Variants in VPS37C observed in about 807,000 individuals in gnomAD.
VPS37C encodes the protein VPS37C subunit of ESCRT-I, also known as vacuolar protein sorting-associated protein 37C.
A neutral mutation model predicts 16.1 loss-of-function variants in VPS37C; 9 were observed. The observed-to-expected ratio is 0.56, with a 90% CI of 0.34 to 0.97. VPS37C has a LOEUF of 0.97. Ranked by LOEUF, VPS37C falls within the 50% of genes least tolerant of loss-of-function variation. The pLI is 0.02. For missense variants in VPS37C, 479 were observed against 472.7 expected, an observed-to-expected ratio of 1.01 and a Z score of -0.12; for synonymous variants, 207 against 206.4, an observed-to-expected ratio of 1.00 and a Z score of -0.02.
intron 3 of VPS37C, 142 bp from the exon 4 acceptor site, chr11:61,133,479 G>A: frequency 1.3e-6 from 1 of 790,990 alleles, no homozygotes; most frequent in South Asian, 1.7e-5. Context: ...TGGGCTTGAT[G>A]AGCACTTTTG....
chr11:61,138,804 A>G lies in VPS37C; in HGVS notation c.26T>C (p.Leu9Pro), dbSNP rs1425889904. 1 of 1,614,008 alleles carries G rather than the reference A, an allele frequency of 6.2e-7. No individual in the cohort carries two copies. Among genetic ancestry groups the G allele is most frequent in the African/African-American group, 1.3e-5 (1 of 74,914 alleles). The change falls in exon 2 of 5, where the codon CTG becomes CCG. Residue 9 changes from leucine to proline, a missense_variant. Coordinates refer to ENST00000301765, the MANE Select transcript of VPS37C (RefSeq NM_017966.5). METLKDKT[L>P]QELEELQNDS... The stretch of plus-strand genomic sequence containing the variant: ...ATTCTGCAACTCCTCCAGCTCCTGC[A>G]GGGTCTTATCCTTCAGCGTCTCCAT...
intron 4 of VPS37C, 124 bp downstream of exon 4, chr11:61,133,131 C>G: frequency 9.4e-7 from 1 of 1,059,648 alleles, no homozygotes; most frequent in Non-Finnish European, 1.4e-6. Context: ...TGTCCTTCAC[C>G]TCTGCCATCT....
Position 61,132,496 on chromosome 11 carries a change from G to A in VPS37C, c.392C>T (p.Thr131Met), listed in dbSNP as rs369758363. 2.2e-5 allele frequency: 35 copies of A among 1,610,792 alleles called. No individual in the cohort carries two copies. The highest frequency in any genetic ancestry group is 2.8e-5 in the Non-Finnish European group (33 of 1,178,566). The change falls in exon 5 of 5, where the codon ACG (threonine) becomes ATG (methionine). Residue 131 changes from threonine to methionine, a missense_variant. Transcript: ENST00000301765. ...KFLEGEVPLE[T>M]FLENFSSMRM... is the part of the protein sequence containing the mutation. ...CATGGAGGAAAAATTCTCCAGGAAC[G>A]TTTCCAGGGGCACCTCGCCCTCCAG...
chr11:61,155,608 A>C (rs1853365599), intron 1 of VPS37C, among the ~76,000 whole-genome samples: 1 of 152,186 alleles, frequency 6.6e-6, no homozygotes, highest in African/African-American at 2.4e-5. Context: ...AAAATAGTTA[A>C]TCCAGAATTC....
intron 4 of VPS37C, 86 bp downstream of exon 4, chr11:61,133,169 C>A: frequency 7.0e-7 from 1 of 1,424,520 alleles, no homozygotes. Flanking sequence ...CCATGCTTTG[C>A]AGACATCTGC....
At chr11:61,144,792 G>A (rs1031622161) in intron 1 of VPS37C, 3 of 152,236 alleles carry the variant, frequency 2.0e-5, no homozygotes, top group Non-Finnish European at 2.9e-5. Flanking sequence ...AACGGGCCAG[G>A]AGTCCCCCCT....
chr11:61,148,289 G>C (rs1853246983), intron 1 of VPS37C, among the ~76,000 whole-genome samples: 1 of 152,168 alleles, frequency 6.6e-6, no homozygotes, highest in South Asian at 2.1e-4. Context: ...ACTGCAAGAA[G>C]AGCTGTGACG....
chr11:61,145,530 C>G (rs1250223612), intron 1 of VPS37C: 2 of 152,566 alleles, frequency 1.3e-5, no homozygotes, highest in Non-Finnish European at 2.9e-5. Flanking sequence ...CTCACCAATG[C>G]CACAGCCATC....
At position 61,134,105 on chromosome 11, in the gene VPS37C, T is replaced by C. The variant is rs778547568; in HGVS notation, c.196A>G (p.Asn66Asp). The C allele has an allele frequency of 2.5e-6, 4 of 1,613,870 alleles. No individual in the cohort carries two copies. The highest frequency in any genetic ancestry group is 1.1e-5 in the South Asian group (1 of 91,080). ...AGCTCCTGGTATCTATCCGAGAGGT[T>C]TGAGCGGCTGATCTCCAGGGGACCC... is the stretch of plus-strand genomic sequence containing the variant. Reference protein sequence around the residue: ...FQGPLEISRSNLSDRYQELRK... With the variant: ...FQGPLEISRSDLSDRYQELRK... The change falls in exon 3 of 5, where the codon AAC becomes GAC. Residue 66 changes from asparagine to aspartate, a missense_variant. Transcript: ENST00000301765.
intron 1 of VPS37C, among the ~76,000 whole-genome samples, chr11:61,148,304 T>C (rs771130436): frequency 6.6e-5 from 10 of 152,274 alleles, no homozygotes; most frequent in Non-Finnish European, 1.2e-4. Context: ...GTGACGTCCC[T>C]TGGTTTCTTA....
rs201071170 is a variant in VPS37C at position 61,132,045 on chromosome 11, C to G, written c.843G>C (p.Gly281=). Residue 281 remains glycine, a synonymous_variant, in exon 5 of 5, where the codon GGG becomes GGC. Coordinates refer to ENST00000301765, the MANE Select transcript of VPS37C (RefSeq NM_017966.5). ...TGCCTCCCCGCAAGGGGTACCCAGG[C>G]CCAGAGGCACCCATTGGGGTCCCAG... ...GYPGTPMGAS[G]PGYPLRGGRA... 16 of 1,388,924 alleles carry G rather than the reference C, an allele frequency of 1.2e-5. No individual in the cohort carries two copies. The East Asian group carries it at 4.1e-4, about 35-fold the overall frequency. 86.0% of individuals were successfully genotyped at this position (1,388,924 alleles called of 1,614,324 possible).
rs574925748 is a variant in VPS37C, at chr11:61,138,678, G to A, written c.93+59C>T. On this transcript the variant is annotated intron_variant, in intron 2 of 4. Coordinates refer to ENST00000301765, the MANE Select transcript of VPS37C (RefSeq NM_017966.5). ...CAATAAGCCAGCATCCTTAAAAAGC[G>A]CCTCTTAACAAGCCTCATCTGCTGG... The A allele has an allele frequency of 2.2e-4, 325 of 1,501,986 alleles. 1 individual carries two copies. In the African/African-American group the frequency reaches 2.9e-3, roughly 13 times the overall value. 93.0% of individuals were successfully genotyped at this position (1,501,986 alleles called of 1,614,324 possible).
At position 61,131,727 on chromosome 11, in the gene VPS37C, G is replaced by T. The variant is rs192444854; in HGVS notation, c.*93C>A. ...ACGCAAGTCCACAGGGAGCACCAAC[G>T]CCACTTCCAGTTGACCCTCGAATCT... On this transcript the variant is annotated 3_prime_UTR_variant, in exon 5 of 5. Coordinates refer to ENST00000301765, the MANE Select transcript of VPS37C (RefSeq NM_017966.5). 60 of 1,231,598 alleles carry T rather than the reference G, an allele frequency of 4.9e-5. No individual in the cohort carries two copies. The African/African-American group carries it at 8.4e-4, about 17-fold the overall frequency. The allele number at this position is 1,231,598 out of a possible 1,614,324, so 76.3% of individuals were successfully genotyped here.
At chr11:61,133,135 G>T in intron 4 of VPS37C, 120 bp downstream of exon 4, 1 of 1,095,590 alleles carries the variant, frequency 9.1e-7, no homozygotes, top group Non-Finnish European at 1.4e-6. Context: ...CTTCACCTCT[G>T]CCATCTACGA....
Position 61,143,148 on chromosome 11 carries a change from T to C in VPS37C, c.-6-4313A>G, listed in dbSNP as rs188562550. Among the ~76,000 whole-genome samples, 11 of 151,810 alleles carry C rather than the reference T, an allele frequency of 7.2e-5. No individual in the cohort carries two copies. In the East Asian group the frequency reaches 2.1e-3, roughly 29 times the overall value. ...AAGTACCACTAAGCATTTGCTGCTA[T>C]GAGGACCCTGGCAACCATCTTAGAC... is the stretch of plus-strand genomic sequence containing the variant. On this transcript the variant is annotated intron_variant, in intron 1 of 4. Transcript: ENST00000301765.
intron 1 of VPS37C, among the ~76,000 whole-genome samples, chr11:61,155,167 A>C (rs1342241488): frequency 1.3e-5 from 2 of 151,236 alleles, no homozygotes; most frequent in Non-Finnish European, 2.9e-5. Context: ...GAAAAGATAC[A>C]TTACAAACAG....
In VPS37C at chr11:61,130,818, G is replaced by C; in HGVS notation, c.*1002C>G. The C allele has an allele frequency of 4.5e-6, 2 of 441,840 alleles. No homozygotes were observed. The highest frequency in any genetic ancestry group is 5.1e-5 in the Admixed American group (2 of 39,430). The allele number at this position is 441,840 out of a possible 1,614,324, so 27.4% of individuals were successfully genotyped here. A position where few individuals can be genotyped will look rare whatever the true frequency, so the allele number is the denominator to read the frequency against. ...AAGCACCATTTGGGAAGTAAAGTTA[G>C]GGCCTCTTTTGATGCCTGTCTTAGG... On this transcript the variant is annotated 3_prime_UTR_variant, in exon 5 of 5. Coordinates refer to ENST00000301765, the MANE Select transcript of VPS37C (RefSeq NM_017966.5).
chr11:61,148,708 ATTTTTTTGCGTTTTTAGTTTTCT>A (rs1379390171), intron 1 of VPS37C, among the ~76,000 whole-genome samples: 1 of 151,828 alleles, frequency 6.6e-6, no homozygotes, highest in Non-Finnish European at 1.5e-5. Flanking sequence ...TTTAGTTTTC[ATTTTTTTGCGTTTTTAGTTTTCT>A]TTTTTTTCTT....
At chr11:61,148,959 C>T (rs1456259129) in intron 1 of VPS37C, among the ~76,000 whole-genome samples, 1 of 152,186 alleles carries the variant, frequency 6.6e-6, no homozygotes, top group African/African-American at 2.4e-5. Flanking sequence ...GGAGATTCCT[C>T]CCACCCACCA....
Sources: allele counts gnomAD v4.1 joint callset (sites outside exome capture counted in the v4.1 genomes callset), GRCh38; gene constraint gnomAD v4.1.1; transcripts MANE v1.5; gene names NCBI Gene and HGNC (gene_info 2026-07-23, HGNC 2026-07-21).